The following VOPP1 variants were observed in gnomAD, a reference collection of about 807,000 sequenced individuals.
VOPP1 encodes VOPP1 WW domain binding protein.
VOPP1 carries 8 observed loss-of-function variants against 23.5 expected under a neutral mutation model. The ratio of observed to expected loss-of-function variants is 0.34; its 90% CI spans 0.20 to 0.61. The LOEUF (loss-of-function observed/expected upper bound fraction) is 0.61, where lower values mean the gene tolerates loss of function less well. VOPP1 is among the 20% of genes least tolerant of loss of function. The probability of loss-of-function intolerance (pLI) is 0.78; values close to 1 mark genes in which losing one functional copy is unlikely to be tolerated. For synonymous variants in VOPP1, 83 were observed against 97.3 expected (o/e 0.85, Z 0.86); for missense variants, 174 against 238.1 (o/e 0.73, Z 1.77).
intron 1 of VOPP1, among the ~76,000 whole-genome samples, chr7:55,558,836 C>T (rs753205948): frequency 1.3e-4 from 20 of 152,142 alleles, no homozygotes; most frequent in Non-Finnish European, 2.5e-4. Context: ...AGCTGACTGA[C>T]AAAGAGCTAT....
At chr7:55,477,925 G>A (rs568098223) in intron 4 of VOPP1, among the ~76,000 whole-genome samples, 3 of 152,298 alleles carry the variant, frequency 2.0e-5, no homozygotes, top group African/African-American at 4.8e-5. Flanking sequence ...TGGAGGCAGC[G>A]CGGCCGCGGA....
intron 2 of VOPP1, among the ~76,000 whole-genome samples, chr7:55,517,587 T>C (rs1168992669): frequency 6.6e-6 from 1 of 152,148 alleles, no homozygotes; most frequent in Admixed American, 6.5e-5. Flanking sequence ...GTGAGTCTCC[T>C]GTACCTGCAC....
intron 2 of VOPP1, among the ~76,000 whole-genome samples, chr7:55,503,890 G>A (rs1251657552): frequency 6.6e-6 from 1 of 152,214 alleles, no homozygotes; most frequent in Non-Finnish European, 1.5e-5. Flanking sequence ...ACAGCCTCTG[G>A]TATTGCTGTT....
intron 3 of VOPP1, among the ~76,000 whole-genome samples, chr7:55,493,692 G>C (rs1361463582): frequency 6.6e-6 from 1 of 152,198 alleles, no homozygotes; most frequent in Non-Finnish European, 1.5e-5. Flanking sequence ...AGACAGGTGA[G>C]GGGCCCCCCG....
At chr7:55,497,172 G>A (rs1289078175) in intron 3 of VOPP1, among the ~76,000 whole-genome samples, 1 of 151,724 alleles carries the variant, frequency 6.6e-6, no homozygotes, top group Non-Finnish European at 1.5e-5. Context: ...GGAGGCAGCT[G>A]GGTGCAGGCT....
chr7:55,450,728 G>C (rs1380419172), intron 4 of VOPP1, among the ~76,000 whole-genome samples: 3 of 152,238 alleles, frequency 2.0e-5, no homozygotes, highest in Non-Finnish European at 4.4e-5. Flanking sequence ...TTTAAAGTAA[G>C]ATGCAAAATT....
At chr7:55,568,522 T>C (rs1409992512) in intron 1 of VOPP1, among the ~76,000 whole-genome samples, 2 of 152,150 alleles carry the variant, frequency 1.3e-5, no homozygotes, top group Admixed American at 1.3e-4. Context: ...CTAAAATAAG[T>C]CTATCTCCTT....
Position 55,488,493 on chromosome 7 carries a change from C to T in VOPP1, c.328+3789G>A, listed in dbSNP as rs567784276. Among the ~76,000 whole-genome samples, 6 of 152,260 alleles carry T rather than the reference C, an allele frequency of 3.9e-5. 1 individual carries two copies. The highest frequency in any genetic ancestry group is 1.4e-4 in the African/African-American group (6 of 41,528). ...GCTGACTTTGCCAGCCCCTTTCCACCACGTTCAGAGTTCTGCCCCAACCCA... is the reference window on the plus strand; with the variant it reads ...GCTGACTTTGCCAGCCCCTTTCCACTACGTTCAGAGTTCTGCCCCAACCCA... On this transcript the variant is annotated intron_variant, in intron 4 of 4. Transcript: ENST00000285279.
rs1020958826 is a variant in VOPP1, at chr7:55,519,448, T to C, written c.113+1624A>G. Among the ~76,000 whole-genome samples the C allele has an allele frequency of 3.3e-5, 5 of 152,126 alleles. 1 individual carries two copies. In the South Asian group the frequency reaches 8.3e-4, roughly 25 times the overall value. ...CTGATCTATAAAACAATTGGAGAAA[T>C]AGGGTTTTAAGGAAGAGCACACAGG... On this transcript the variant is annotated intron_variant, in intron 2 of 4. Transcript: ENST00000285279.
At position 55,442,580 on chromosome 7, in the gene VOPP1, G is replaced by A. The variant is rs375640497; in HGVS notation, n.418-6406C>T. On this transcript the variant is annotated intron_variant and non_coding_transcript_variant, in intron 4 of 4. Coordinates refer to the VOPP1 transcript ENST00000462326. ...CAGTTAATGAGTCTAGGCACTGATC[G>A]TTGGTGGCTCTCTGAAGACAAGCAG... Among the ~76,000 whole-genome samples the A allele has an allele frequency of 9.2e-5, 14 of 151,690 alleles. No homozygotes were observed. In the East Asian group the frequency reaches 1.2e-3, roughly 13 times the overall value.
chr7:55,538,292 A>G (rs1240121872), intron 1 of VOPP1, among the ~76,000 whole-genome samples: 1 of 152,206 alleles, frequency 6.6e-6, no homozygotes, highest in Non-Finnish European at 1.5e-5. Context: ...CAACTGAGCT[A>G]CACTCTCTGG....
chr7:55,514,216 G>A (rs536108823), intron 2 of VOPP1, among the ~76,000 whole-genome samples: 1 of 152,212 alleles, frequency 6.6e-6, no homozygotes, highest in Admixed American at 6.5e-5. Context: ...TCTCCCATTT[G>A]TCGCTTGTCT....
chr7:55,436,727 T>C (rs993271094), intron 4 of VOPP1, among the ~76,000 whole-genome samples: 1 of 152,166 alleles, frequency 6.6e-6, no homozygotes, highest in Non-Finnish European at 1.5e-5. Context: ...AATTGGTAAC[T>C]GCCCCAGGAT....
chr7:55,496,119 CTT>C (rs1272218709), intron 3 of VOPP1, among the ~76,000 whole-genome samples: 1 of 152,248 alleles, frequency 6.6e-6, no homozygotes, highest in Non-Finnish European at 1.5e-5. Context: ...TCAAACTTCT[CTT>C]CTTTTTGATC....
intron 1 of VOPP1, chr7:55,521,522 G>A (rs1795854236): frequency 2.0e-6 from 2 of 1,017,156 alleles, no homozygotes; most frequent in Non-Finnish European, 2.4e-6. Context: ...ATCTCCAATA[G>A]ATTTAGCATT....
intron 1 of VOPP1, chr7:55,552,546 T>C (rs1797652820): frequency 8.5e-6 from 13 of 1,520,840 alleles, no homozygotes; most frequent in Non-Finnish European, 1.1e-5. Flanking sequence ...ACAAGCATGA[T>C]TTTCCCAGGG....
chr7:55,473,738 G>C (rs975668033), intron 4 of VOPP1, among the ~76,000 whole-genome samples: 1 of 152,192 alleles, frequency 6.6e-6, no homozygotes, highest in Admixed American at 6.5e-5. Context: ...TAACACTATA[G>C]AATTATGCAT....
intron 2 of VOPP1, among the ~76,000 whole-genome samples, chr7:55,519,368 T>C (rs933450840): frequency 2.0e-5 from 3 of 152,096 alleles, no homozygotes; most frequent in Non-Finnish European, 2.9e-5. Flanking sequence ...AAAGAACAAA[T>C]GAACAAGTCA....
intron 2 of VOPP1, among the ~76,000 whole-genome samples, chr7:55,500,150 G>A (rs1369326553): frequency 1.3e-5 from 2 of 152,122 alleles, no homozygotes; most frequent in Non-Finnish European, 2.9e-5. Context: ...ACCATGGCCC[G>A]AAGAATTGCA....
Sources: allele counts gnomAD v4.1 joint callset (sites outside exome capture counted in the v4.1 genomes callset), GRCh38; gene constraint gnomAD v4.1.1; transcripts MANE v1.5; gene names NCBI Gene and HGNC (gene_info 2026-07-23, HGNC 2026-07-21).